Variants in SNTG1 observed in about 807,000 individuals in gnomAD.
SNTG1 encodes syntrophin gamma 1, also known as gamma-1-syntrophin.
Under a neutral mutation model 74.7 loss-of-function variants are expected in SNTG1, and 39 were observed. That is an observed-to-expected ratio of 0.52 (90% CI 0.40 to 0.68). SNTG1 has a LOEUF of 0.68. Among genes scored for constraint, SNTG1 ranks in the 30% least tolerant of loss-of-function variants. The probability of loss-of-function intolerance (pLI) is 0.00; values close to 1 mark genes in which losing one functional copy is unlikely to be tolerated. For synonymous variants in SNTG1, 254 were observed against 217.1 expected (o/e 1.17, Z -1.49); for missense variants, 685 against 609.5 (o/e 1.12, Z -1.30).
At chr8:50,139,704 G>A (rs1039267655) in intron 1 of SNTG1, among the ~76,000 whole-genome samples, 2 of 152,202 alleles carry the variant, frequency 1.3e-5, no homozygotes, top group Non-Finnish European at 2.9e-5. Flanking sequence ...TGGGACTCTA[G>A]AATTATCTTA....
At chr8:50,366,815 A>G (rs986071860) in intron 2 of SNTG1, among the ~76,000 whole-genome samples, 67 of 145,924 alleles carry the variant, frequency 4.6e-4, no homozygotes, top group Non-Finnish European at 8.4e-4. Flanking sequence ...AATATATTAT[A>G]TATAATATAT....
At chr8:50,058,247 C>G (rs1820190698) in intron 1 of SNTG1, among the ~76,000 whole-genome samples, 1 of 152,102 alleles carries the variant, frequency 6.6e-6, no homozygotes, top group Admixed American at 6.6e-5. Context: ...ATTTTCAAAA[C>G]AAATACTATG....
At chr8:50,258,061 T>C (rs2086971999) in intron 2 of SNTG1, among the ~76,000 whole-genome samples, 1 of 152,218 alleles carries the variant, frequency 6.6e-6, no homozygotes, top group South Asian at 2.1e-4. Flanking sequence ...AGTCTGCACA[T>C]GCAAGAAAAC....
At chr8:49,985,840 T>C (rs916996965) in intron 1 of SNTG1, among the ~76,000 whole-genome samples, 2 of 152,186 alleles carry the variant, frequency 1.3e-5, no homozygotes, top group African/African-American at 4.8e-5. Context: ...CATTCCATGA[T>C]GATAATGATA....
intron 18 of SNTG1, among the ~76,000 whole-genome samples, chr8:50,761,383 A>T (rs2131739740): frequency 6.6e-6 from 1 of 151,968 alleles, no homozygotes; most frequent in East Asian, 2.0e-4. Flanking sequence ...TGTGAGTAGG[A>T]CTCAGTCTTT....
chr8:50,665,645 A>G (rs1563715538), intron 15 of SNTG1, among the ~76,000 whole-genome samples: 1 of 152,184 alleles, frequency 6.6e-6, no homozygotes, highest in Non-Finnish European at 1.5e-5. Context: ...GTGCTAGGAA[A>G]TAAGGAGGTG....
chr8:50,257,047 A>G (rs2130008748), intron 2 of SNTG1, among the ~76,000 whole-genome samples: 1 of 152,056 alleles, frequency 6.6e-6, no homozygotes, highest in East Asian at 2.0e-4. Flanking sequence ...TTTAAACCCC[A>G]GAAGAGGCAC....
intron 8 of SNTG1, among the ~76,000 whole-genome samples, chr8:50,477,831 T>C (rs1017858934): frequency 2.0e-5 from 3 of 152,232 alleles, no homozygotes; most frequent in African/African-American, 4.8e-5. Context: ...CATTTGTATT[T>C]ACAATGATCT....
At chr8:50,000,673 G>A (rs568770229) in intron 1 of SNTG1, among the ~76,000 whole-genome samples, 5 of 152,220 alleles carry the variant, frequency 3.3e-5, no homozygotes, top group Admixed American at 2.6e-4. Context: ...AAGCTTTTAC[G>A]CTCTCGTGCC....
chr8:50,603,226 G>T (rs2094788101), intron 13 of SNTG1, among the ~76,000 whole-genome samples: 1 of 151,990 alleles, frequency 6.6e-6, no homozygotes, highest in Admixed American at 6.6e-5. Flanking sequence ...TCTCTTCTGT[G>T]ATTTTCAAAT....
chr8:50,196,820 A>G (rs2083788756), intron 2 of SNTG1, among the ~76,000 whole-genome samples: 1 of 151,708 alleles, frequency 6.6e-6, no homozygotes. Flanking sequence ...AAAAAACAAA[A>G]AAAACCCAAA....
chr8:50,148,637 G>A (rs1326075540), intron 1 of SNTG1, among the ~76,000 whole-genome samples: 3 of 152,164 alleles, frequency 2.0e-5, no homozygotes, highest in African/African-American at 7.2e-5. Context: ...ACCTATGAGT[G>A]AGAACATGCG....
intron 2 of SNTG1, among the ~76,000 whole-genome samples, chr8:50,206,607 A>G (rs187399239): frequency 6.6e-6 from 1 of 152,156 alleles, no homozygotes; most frequent in African/African-American, 2.4e-5. Context: ...CACTATTTTG[A>G]CTAGGAGTGG....
intron 1 of SNTG1, among the ~76,000 whole-genome samples, chr8:50,167,337 A>AT (rs1316948511): frequency 1.4e-5 from 2 of 146,964 alleles, no homozygotes; most frequent in South Asian, 2.1e-4. Flanking sequence ...ATAAAATAAA[A>AT]AAAAAAATCT....
chr8:50,214,270 A>AG (rs1194278088), intron 2 of SNTG1, among the ~76,000 whole-genome samples: 36 of 63,310 alleles, frequency 5.7e-4, no homozygotes, highest in Admixed American at 2.7e-3. Flanking sequence ...GGGTGGGGGG[A>AG]GGGGGGAGGG....
At chr8:50,466,864 C>A (rs896733842) in intron 8 of SNTG1, among the ~76,000 whole-genome samples, 10 of 152,052 alleles carry the variant, frequency 6.6e-5, no homozygotes, top group Non-Finnish European at 1.2e-4. Flanking sequence ...TTAACACTTG[C>A]ATATTAAATG....
chr8:50,731,779 G>A (rs552408180), intron 17 of SNTG1, among the ~76,000 whole-genome samples: 261 of 152,104 alleles, frequency 1.7e-3, no homozygotes, highest in African/African-American at 6.1e-3. Flanking sequence ...CAGAATCTTA[G>A]GAACAAAATA....
chr8:50,331,266 T>C (rs1193834107), intron 2 of SNTG1, among the ~76,000 whole-genome samples: 3 of 152,146 alleles, frequency 2.0e-5, no homozygotes, highest in East Asian at 3.9e-4. Context: ...GCAGCACACC[T>C]TGTGGGGCTG....
intron 1 of SNTG1, among the ~76,000 whole-genome samples, chr8:50,022,241 C>T (rs939589995): frequency 3.9e-5 from 6 of 152,106 alleles, no homozygotes; most frequent in Non-Finnish European, 7.3e-5. Flanking sequence ...CGAGACTGCT[C>T]TGTAGATAAA....
Sources: gnomAD v4.1 joint callset for allele counts (sites outside exome capture counted in the v4.1 genomes callset) on GRCh38, gnomAD v4.1.1 for gene constraint, MANE v1.5 for transcripts, NCBI Gene and HGNC (gene_info 2026-07-23, HGNC 2026-07-21) for gene names.